The following FBXL17 variants were observed in gnomAD, a reference collection of about 807,000 sequenced individuals.
FBXL17 encodes F-box/LRR-repeat protein 17.
FBXL17 carries 22 observed loss-of-function variants against 66.2 expected under a neutral mutation model. The observed-to-expected ratio is 0.33, with a 90% CI of 0.24 to 0.47. The LOEUF (loss-of-function observed/expected upper bound fraction) is 0.47. Among genes scored for constraint, FBXL17 ranks in the 20% least tolerant of loss-of-function variants. The pLI is 1.00. For synonymous variants in FBXL17, 474 were observed against 400.5 expected, an observed-to-expected ratio of 1.18 and a Z score of -2.19; for missense variants, 878 against 948.2, an observed-to-expected ratio of 0.93 and a Z score of 0.97.
intron 6 of FBXL17, among the ~76,000 whole-genome samples, chr5:108,062,675 T>A (rs1747969012): frequency 3.9e-5 from 6 of 152,142 alleles, no homozygotes; most frequent in Admixed American, 3.9e-4. Context: ...TTTTCATGAC[T>A]TTTTTGGAGA....
Position 107,967,161 on chromosome 5 carries a change from A to AT in FBXL17, c.1822+53763dup, listed in dbSNP as rs1007251879. ...GGAGTCCTTGTGAGTTAGGATTTCA[A>AT]TTTTTTTTTCTTTTTTTGTACATCG... On this transcript the variant is annotated intron_variant, in intron 7 of 8. Coordinates refer to ENST00000542267, the MANE Select transcript of FBXL17 (RefSeq NM_001163315.3). 1.7e-4 allele frequency among the ~76,000 whole-genome samples: 26 copies of AT among 151,298 alleles called. No homozygotes were observed. The East Asian group carries it at 3.7e-3, about 22-fold the overall frequency.
intron 4 of FBXL17, among the ~76,000 whole-genome samples, chr5:108,254,405 C>A (rs1756488497): frequency 6.6e-6 from 1 of 152,072 alleles, no homozygotes; most frequent in Non-Finnish European, 1.5e-5. Context: ...CTGTCAATTC[C>A]CAACTATACA....
chr5:108,103,574 CAAACAAAAA>C (rs140815669), intron 6 of FBXL17, among the ~76,000 whole-genome samples: 15,194 of 151,548 alleles, frequency 0.1, 1,767 homozygotes, highest in African/African-American at 0.29. Flanking sequence ...AAATATATGT[CAAACAAAAA>C]AAAAGATTAA....
chr5:108,150,605 C>T (rs978820658), intron 6 of FBXL17, among the ~76,000 whole-genome samples: 33 of 152,196 alleles, frequency 2.2e-4, no homozygotes, highest in Non-Finnish European at 5.9e-5. Context: ...TCTTGTGTTT[C>T]ATCACAATGA....
intron 4 of FBXL17, among the ~76,000 whole-genome samples, chr5:108,347,216 C>T (rs1053390662): frequency 2.0e-5 from 3 of 152,166 alleles, no homozygotes; most frequent in Non-Finnish European, 2.9e-5. Context: ...AGCTGCAAAG[C>T]TGAACAGCAT....
At chr5:107,866,729 C>A (rs1400824167) in intron 8 of FBXL17, among the ~76,000 whole-genome samples, 2 of 152,150 alleles carry the variant, frequency 1.3e-5, no homozygotes, top group Non-Finnish European at 2.9e-5. Flanking sequence ...ATGGTTACTT[C>A]CTTTTTGACT....
intron 6 of FBXL17, among the ~76,000 whole-genome samples, chr5:108,143,146 C>T (rs1751421620): frequency 6.6e-6 from 1 of 151,980 alleles, no homozygotes; most frequent in South Asian, 2.1e-4. Flanking sequence ...GACCCCGAGT[C>T]CACGGAAGAA....
chr5:108,300,581 T>G (rs567833299), intron 4 of FBXL17, among the ~76,000 whole-genome samples: 1 of 151,830 alleles, frequency 6.6e-6, no homozygotes. Context: ...CTGGAAAGTT[T>G]AACCATGTTT....
At chr5:107,871,092 A>C (rs1247801416) in intron 8 of FBXL17, among the ~76,000 whole-genome samples, 1 of 144,014 alleles carries the variant, frequency 6.9e-6, no homozygotes, top group Non-Finnish European at 1.5e-5. Context: ...TCATCTAAAA[A>C]TCTCAAAGTA....
At chr5:107,916,733 C>T (rs1750146174) in intron 7 of FBXL17, among the ~76,000 whole-genome samples, 1 of 152,102 alleles carries the variant, frequency 6.6e-6, no homozygotes, top group Non-Finnish European at 1.5e-5. Context: ...ATAAAATATG[C>T]TATTTAACTA....
intron 7 of FBXL17, among the ~76,000 whole-genome samples, chr5:107,950,113 C>T (rs748768896): frequency 6.6e-6 from 1 of 152,044 alleles, no homozygotes; most frequent in Non-Finnish European, 1.5e-5. Flanking sequence ...TACAGCAATT[C>T]ACATGAAAGG....
intron 7 of FBXL17, among the ~76,000 whole-genome samples, chr5:107,895,415 A>G (rs1248910077): frequency 6.6e-6 from 1 of 152,142 alleles, no homozygotes; most frequent in Non-Finnish European, 1.5e-5. Flanking sequence ...CTTCTTATGT[A>G]TCTAGCTTTT....
chr5:108,247,513 G>C (rs963792373), intron 4 of FBXL17, among the ~76,000 whole-genome samples: 1 of 152,016 alleles, frequency 6.6e-6, no homozygotes, highest in Non-Finnish European at 1.5e-5. Context: ...TTAGGCTAAG[G>C]CTTTCTCATA....
chr5:108,025,727 G>GCGCGCA (rs370886256), intron 6 of FBXL17, among the ~76,000 whole-genome samples: 4 of 141,164 alleles, frequency 2.8e-5, no homozygotes, highest in African/African-American at 1.0e-4. Context: ...ACGCGCGCGC[G>GCGCGCA]CACACACACA....
chr5:108,220,785 T>A (rs971338447), intron 5 of FBXL17, among the ~76,000 whole-genome samples: 4 of 152,184 alleles, frequency 2.6e-5, no homozygotes, highest in African/African-American at 9.7e-5. Flanking sequence ...AAGGTAACTA[T>A]ATATTTGCAT....
chr5:108,155,018 A>G (rs932073913), intron 6 of FBXL17, among the ~76,000 whole-genome samples: 5 of 152,158 alleles, frequency 3.3e-5, no homozygotes, highest in African/African-American at 1.2e-4. Flanking sequence ...TACCAGTAAA[A>G]TTAATCTAAT....
intron 6 of FBXL17, among the ~76,000 whole-genome samples, chr5:108,092,830 GAC>G (rs1749235142): frequency 6.6e-6 from 1 of 152,098 alleles, no homozygotes; most frequent in African/African-American, 2.4e-5. Context: ...TAAGATGTAT[GAC>G]ATATTTTCAG....
chr5:108,025,151 C>T (rs1754753205), intron 6 of FBXL17, among the ~76,000 whole-genome samples: 1 of 152,006 alleles, frequency 6.6e-6, no homozygotes, highest in African/African-American at 2.4e-5. Flanking sequence ...ATAGGAGTGT[C>T]CTAGGAGACC....
intron 5 of FBXL17, among the ~76,000 whole-genome samples, chr5:108,206,415 A>G (rs1209887440): frequency 2.0e-5 from 3 of 152,158 alleles, no homozygotes; most frequent in African/African-American, 7.2e-5. Context: ...GCACATACAT[A>G]TTTAAAATGT....
Sources: allele counts gnomAD v4.1 joint callset (sites outside exome capture counted in the v4.1 genomes callset), GRCh38; gene constraint gnomAD v4.1.1; transcripts MANE v1.5; gene names NCBI Gene and HGNC (gene_info 2026-07-23, HGNC 2026-07-21).